The following EIF2S2 variants were observed in gnomAD, a reference collection of about 807,000 sequenced individuals.
EIF2S2 encodes the protein eukaryotic translation initiation factor 2 subunit beta, also known as eukaryotic translation initiation factor 2 subunit 2.
In EIF2S2, 4 loss-of-function variants were observed where a neutral mutation model predicts 44.0. The observed-to-expected ratio is 0.09, with a 90% CI of 0.04 to 0.21. The LOEUF (loss-of-function observed/expected upper bound fraction) is 0.21, where lower values mean the gene tolerates loss of function less well. Ranked by LOEUF, EIF2S2 falls within the 10% of genes least tolerant of loss-of-function variation. The probability of loss-of-function intolerance (pLI) is 1.00; values close to 1 mark genes in which losing one functional copy is unlikely to be tolerated. For missense variants in EIF2S2, 154 were observed against 392.0 expected (o/e 0.39, Z 5.13); for synonymous variants, 108 against 128.3 (o/e 0.84, Z 1.07).
chr20:34,096,545 C>A, intron 6 of EIF2S2, 112 bp downstream of exon 6: 2 of 1,115,184 alleles, frequency 1.8e-6, no homozygotes, highest in Non-Finnish European at 2.6e-6. Context: ...AACCCCTACA[C>A]CTGTGTGTTC....
intron 7 of EIF2S2, 152 bp downstream of exon 7, chr20:34,093,523 A>G: frequency 3.2e-6 from 2 of 634,840 alleles, no homozygotes; most frequent in Non-Finnish European, 5.1e-6. Context: ...AAGCTCTCCC[A>G]CAGAAATGAA....
chr20:34,092,361 C>T (rs2034176147), intron 7 of EIF2S2, among the ~76,000 whole-genome samples: 3 of 152,276 alleles, frequency 2.0e-5, no homozygotes, highest in South Asian at 2.1e-4. Context: ...TTACAAATAA[C>T]GATGGTAACA....
chr20:34,110,116 CAG>C lies in EIF2S2; in HGVS notation c.15+1978_15+1979del, dbSNP rs1340745704. Among the ~76,000 whole-genome samples the C allele has an allele frequency of 3.8e-5, 5 of 130,820 alleles. No individual in the cohort carries two copies. The East Asian group carries it at 6.7e-4, about 18-fold the overall frequency. The allele number at this position is 130,820 out of a possible 152,430, so 85.8% of individuals were successfully genotyped here. A position where few individuals can be genotyped will look rare whatever the true frequency, so the allele number is the denominator to read the frequency against. ...CATCTCAAAAAAAAAAAAAAAAAAA[CAG>C]AAATATGAATAAAACAGAAAATTAC... On this transcript the variant is annotated intron_variant, in intron 1 of 8. Coordinates refer to ENST00000374980, the MANE Select transcript of EIF2S2 (RefSeq NM_003908.5).
intron 6 of EIF2S2, 123 bp from the exon 7 acceptor site, chr20:34,093,854 T>A: frequency 1.2e-6 from 1 of 813,066 alleles, no homozygotes. Context: ...CACTGCACCA[T>A]TTATTTAAAC....
At chr20:34,096,866 C>CT (rs2034235027) in intron 5 of EIF2S2, 61 bp from the exon 6 acceptor site, 1 of 1,516,232 alleles carries the variant, frequency 6.6e-7, no homozygotes, top group Non-Finnish European at 8.9e-7. Context: ...TAAAGTTCCC[C>CT]TTTGAGTCAT....
intron 1 of EIF2S2, 70 bp downstream of exon 1, chr20:34,112,026 T>C (rs903264745): frequency 1.5e-6 from 2 of 1,335,870 alleles, no homozygotes; most frequent in Admixed American, 6.9e-5. Flanking sequence ...GCAGGCCCGT[T>C]CTCCCACACT....
chr20:34,102,227 C>A (rs1318452992), intron 3 of EIF2S2, among the ~76,000 whole-genome samples: 1 of 152,182 alleles, frequency 6.6e-6, no homozygotes, highest in Admixed American at 6.5e-5. Context: ...CTTTCTGTAG[C>A]ACATCTCTAC....
At chr20:34,095,603 C>T (rs1388268535) in intron 6 of EIF2S2, among the ~76,000 whole-genome samples, 2 of 152,178 alleles carry the variant, frequency 1.3e-5, no homozygotes, top group African/African-American at 2.4e-5. Flanking sequence ...TGAGCTACTG[C>T]GCCCAGCAGT....
chr20:34,105,255 C>T (rs1263602148), intron 2 of EIF2S2, 113 bp downstream of exon 2: 1 of 1,165,122 alleles, frequency 8.6e-7, no homozygotes, highest in African/African-American at 1.5e-5. Flanking sequence ...ATGGCCTTGA[C>T]TTCACTGGAA....
At chr20:34,104,248 T>C (rs903075992) in intron 2 of EIF2S2, among the ~76,000 whole-genome samples, 1 of 152,202 alleles carries the variant, frequency 6.6e-6, no homozygotes, top group Admixed American at 6.5e-5. Flanking sequence ...TGAACTACTT[T>C]CAGTTCCTAC....
chr20:34,098,690 T>C, intron 3 of EIF2S2, 57 bp from the exon 4 acceptor site: 1 of 1,555,322 alleles, frequency 6.4e-7, no homozygotes, highest in Non-Finnish European at 8.7e-7. Flanking sequence ...TTTTTATTTA[T>C]TTTATTACAT....
chr20:34,109,369 TAGC>T (rs1027530459), intron 1 of EIF2S2, among the ~76,000 whole-genome samples: 6 of 152,262 alleles, frequency 3.9e-5, no homozygotes, highest in African/African-American at 1.4e-4. Context: ...CCTTACCAGG[TAGC>T]AGCCATATTT....
intron 1 of EIF2S2, among the ~76,000 whole-genome samples, chr20:34,109,972 G>A (rs965642645): frequency 2.0e-5 from 3 of 151,054 alleles, no homozygotes; most frequent in African/African-American, 7.3e-5. Context: ...GGTGGCAGGC[G>A]CCTGTAATCC....
chr20:34,089,969 T>C, intron 8 of EIF2S2, 64 bp from the exon 9 acceptor site: 1 of 1,547,168 alleles, frequency 6.5e-7, no homozygotes, highest in Non-Finnish European at 8.9e-7. Context: ...GTTTCTGCCT[T>C]CTTAAATACA....
At chr20:34,094,129 T>C (rs2034200419) in intron 6 of EIF2S2, among the ~76,000 whole-genome samples, 1 of 152,230 alleles carries the variant, frequency 6.6e-6, no homozygotes, top group Non-Finnish European at 1.5e-5. Context: ...TGGTCTCAAA[T>C]GATCCTCCTG....
chr20:34,098,386 T>C (rs2034256633), intron 4 of EIF2S2, 112 bp downstream of exon 4: 3 of 1,213,956 alleles, frequency 2.5e-6, no homozygotes, highest in East Asian at 2.3e-5. Context: ...TATCAGTCAG[T>C]AGAAATAAGG....
intron 6 of EIF2S2, among the ~76,000 whole-genome samples, chr20:34,094,878 G>T (rs2034209052): frequency 2.0e-5 from 3 of 152,178 alleles, no homozygotes; most frequent in Admixed American, 6.5e-5. Flanking sequence ...AATGCAATAG[G>T]TGAGAACTGG....
chr20:34,111,082 T>A (rs2034406820), intron 1 of EIF2S2, among the ~76,000 whole-genome samples: 1 of 152,332 alleles, frequency 6.6e-6, no homozygotes, highest in Admixed American at 6.5e-5. Context: ...CCGTCCAGAA[T>A]ATATTCCAAA....
chr20:34,105,690 AAAAT>A (rs1248902835), intron 1 of EIF2S2, 145 bp from the exon 2 acceptor site: 1 of 747,746 alleles, frequency 1.3e-6, no homozygotes, highest in East Asian at 3.0e-5. Flanking sequence ...ACCAAAAAAT[AAAAT>A]AAATTGTCCA....
Sources: gnomAD v4.1 joint callset for allele counts (sites outside exome capture counted in the v4.1 genomes callset) on GRCh38, gnomAD v4.1.1 for gene constraint, MANE v1.5 for transcripts, NCBI Gene and HGNC (gene_info 2026-07-23, HGNC 2026-07-21) for gene names.